FGGY: variants seen among roughly 807,000 people sequenced by gnomAD.
The protein encoded by FGGY is FGGY carbohydrate kinase domain-containing protein.
Under a neutral mutation model 71.3 loss-of-function variants are expected in FGGY, and 72 were observed. That is an observed-to-expected ratio of 1.01 (90% CI 0.84 to 1.23). The LOEUF (loss-of-function observed/expected upper bound fraction) is 1.23, where lower values mean the gene tolerates loss of function less well. FGGY is among the 50% of genes most tolerant of loss of function. The probability of loss-of-function intolerance (pLI) is 0.00; values close to 1 mark genes in which losing one functional copy is unlikely to be tolerated. For missense variants in FGGY, 668 were observed against 682.3 expected (o/e 0.98, Z 0.23); for synonymous variants, 251 against 250.3 (o/e 1.00, Z -0.02).
chr1:59,700,334 G>T (rs1481936009), intron 14 of FGGY, among the ~76,000 whole-genome samples: 1 of 152,140 alleles, frequency 6.6e-6, no homozygotes, highest in African/African-American at 2.4e-5. Context: ...AAAGTTTATT[G>T]ATGTTTTTTA....
intron 6 of FGGY, among the ~76,000 whole-genome samples, chr1:59,457,562 T>C (rs1055890856): frequency 2.0e-5 from 3 of 151,912 alleles, no homozygotes; most frequent in African/African-American, 7.3e-5. Context: ...TGCAGTGAGC[T>C]GAGATCGTGC....
chr1:59,369,732 C>G, intron 4 of FGGY, among the ~76,000 whole-genome samples: 1 of 152,184 alleles, frequency 6.6e-6, no homozygotes, highest in South Asian at 2.1e-4. Flanking sequence ...GAAGAATGAT[C>G]AGACAGCAGC....
intron 1 of FGGY, chr1:59,316,237 G>A (rs2045433084): frequency 6.6e-6 from 1 of 152,190 alleles, no homozygotes; most frequent in Non-Finnish European, 1.5e-5. Context: ...AAAGTTGAAA[G>A]AGGATACTGA....
At chr1:59,664,422 C>T (rs905099957) in intron 12 of FGGY, among the ~76,000 whole-genome samples, 2 of 152,198 alleles carry the variant, frequency 1.3e-5, no homozygotes, top group African/African-American at 2.4e-5. Context: ...CAGCCCCTCT[C>T]GAGGGAGTGC....
chr1:59,383,448 C>T (rs948872859), intron 5 of FGGY, among the ~76,000 whole-genome samples: 8 of 152,124 alleles, frequency 5.3e-5, no homozygotes, highest in Non-Finnish European at 7.4e-5. Flanking sequence ...GGCCCCCCGC[C>T]ATCTGAATGG....
At chr1:59,455,441 TGCAGAATGAGAAG>T (rs1481976624) in intron 5 of FGGY, among the ~76,000 whole-genome samples, 1 of 152,260 alleles carries the variant, frequency 6.6e-6, no homozygotes, top group East Asian at 1.9e-4. Context: ...AATTCAGTAT[TGCAGAATGAGAAG>T]GCAAGGGTGG....
intron 5 of FGGY, among the ~76,000 whole-genome samples, chr1:59,445,325 G>C (rs1446920807): frequency 6.6e-6 from 1 of 152,110 alleles, no homozygotes; most frequent in Non-Finnish European, 1.5e-5. Flanking sequence ...CTTCCTCCCT[G>C]CTCTGGCACT....
chr1:59,695,653 C>A (rs1048165359), intron 14 of FGGY, among the ~76,000 whole-genome samples: 1 of 152,198 alleles, frequency 6.6e-6, no homozygotes, highest in African/African-American at 2.4e-5. Flanking sequence ...GTTTCCCAAC[C>A]CTGTACATGT....
chr1:59,540,976 GA>G (rs1368318387), intron 7 of FGGY, among the ~76,000 whole-genome samples: 1 of 152,132 alleles, frequency 6.6e-6, no homozygotes, highest in African/African-American at 2.4e-5. Flanking sequence ...TCAAGTAAGG[GA>G]AAAATTATGT....
intron 3 of FGGY, among the ~76,000 whole-genome samples, chr1:59,343,756 T>G (rs1238620559): frequency 6.6e-6 from 1 of 152,220 alleles, no homozygotes; most frequent in African/African-American, 2.4e-5. Flanking sequence ...TTATTAATTC[T>G]AATACAGTAA....
intron 7 of FGGY, among the ~76,000 whole-genome samples, chr1:59,522,468 A>G (rs913294315): frequency 6.6e-6 from 1 of 152,196 alleles, no homozygotes; most frequent in African/African-American, 2.4e-5. Context: ...TTAAAGCAGC[A>G]CAGGAGTCTG....
At chr1:59,729,826 G>A (rs570561141) in intron 14 of FGGY, among the ~76,000 whole-genome samples, 2 of 152,318 alleles carry the variant, frequency 1.3e-5, no homozygotes, top group East Asian at 3.9e-4. Context: ...AGGTGAGACA[G>A]AAGGCTTGCA....
At chr1:59,340,103 G>T in intron 3 of FGGY, 34 bp downstream of exon 3, 1 of 1,490,672 alleles carries the variant, frequency 6.7e-7, no homozygotes, top group South Asian at 1.2e-5. Context: ...CCCAGTGGTG[G>T]GATACTTGGC....
Position 59,597,818 on chromosome 1 carries a change from C to T in FGGY, c.904-9985C>T, listed in dbSNP as rs868039293. Among the ~76,000 whole-genome samples, 5 of 152,188 alleles carry T rather than the reference C, an allele frequency of 3.3e-5. No homozygotes were observed. In the South Asian group the frequency reaches 8.3e-4, roughly 25 times the overall value. On this transcript the variant is annotated intron_variant, in intron 8 of 15. Transcript: ENST00000303721. ...AGTCTGCAGGAGGGAGCCATTTTTC[C>T]TACCAGCCAGTTTAGAATCAAAAAA...
intron 7 of FGGY, among the ~76,000 whole-genome samples, chr1:59,527,440 G>T (rs769271727): frequency 6.6e-6 from 1 of 152,196 alleles, no homozygotes; most frequent in Non-Finnish European, 1.5e-5. Context: ...GGTGGGCAGT[G>T]CTGATTTCAC....
chr1:59,585,137 A>G (rs35172840), intron 8 of FGGY, among the ~76,000 whole-genome samples: 13,348 of 152,198 alleles, frequency 0.088, 869 homozygotes, highest in South Asian at 0.3. Context: ...TCAAGCTACC[A>G]ATGACTTTCT....
chr1:59,350,921 A>G (rs1300105365), intron 4 of FGGY, among the ~76,000 whole-genome samples: 2 of 152,216 alleles, frequency 1.3e-5, no homozygotes, highest in Non-Finnish European at 2.9e-5. Flanking sequence ...GAATCCACTT[A>G]GAGTTTTTTG....
intron 13 of FGGY, 115 bp from the exon 14 acceptor site, chr1:59,673,924 C>A: frequency 2.6e-6 from 2 of 755,284 alleles, no homozygotes; most frequent in South Asian, 1.6e-5. Context: ...GGGAGTCGGG[C>A]GGGGGGCCTG....
Position 59,660,886 on chromosome 1 carries a change from G to T in FGGY, c.1296+593G>T, listed in dbSNP as rs117176031. 1.1e-3 allele frequency among the ~76,000 whole-genome samples: 162 copies of T among 152,290 alleles called. 4 individuals are homozygous for T. The East Asian group carries it at 0.026, about 24-fold the overall frequency. On this transcript the variant is annotated intron_variant, in intron 12 of 15. Coordinates refer to ENST00000303721, the MANE Select transcript of FGGY (RefSeq NM_018291.5). ...CTAAAGAATCTTCTTATCTAGAGGT[G>T]GCTATGGATGGGCTACAAGAGGGTT...
Sources: gnomAD v4.1 joint callset for allele counts (sites outside exome capture counted in the v4.1 genomes callset) on GRCh38, gnomAD v4.1.1 for gene constraint, MANE v1.5 for transcripts, NCBI Gene and HGNC (gene_info 2026-07-23, HGNC 2026-07-21) for gene names.